The following THSD4 variants were observed in gnomAD, a reference collection of about 807,000 sequenced individuals.
THSD4 encodes thrombospondin type-1 domain-containing protein 4.
In THSD4, 69 loss-of-function variants were observed where a neutral mutation model predicts 119.0. The ratio of observed to expected loss-of-function variants is 0.58; its 90% CI spans 0.48 to 0.71. The LOEUF (loss-of-function observed/expected upper bound fraction) is 0.71. Among genes scored for constraint, THSD4 ranks in the 30% least tolerant of loss-of-function variants. The probability of loss-of-function intolerance (pLI) is 0.00; values close to 1 mark genes in which losing one functional copy is unlikely to be tolerated. For synonymous variants in THSD4, 524 were observed against 540.4 expected (o/e 0.97, Z 0.42); for missense variants, 1,393 against 1,391.1 (o/e 1.00, Z -0.02).
chr15:71,411,863 G>C, intron 7 of THSD4, 40 bp downstream of exon 7: 1 of 1,610,262 alleles, frequency 6.2e-7, no homozygotes, highest in Non-Finnish European at 8.5e-7. Context: ...TAAGGTGTTT[G>C]ATCTGTGACT....
chr15:71,479,454 T>C (rs1169740861), intron 7 of THSD4, among the ~76,000 whole-genome samples: 1 of 152,116 alleles, frequency 6.6e-6, no homozygotes, highest in African/African-American at 2.4e-5. Flanking sequence ...ATTTGGGGTT[T>C]TATGGAAGGA....
At chr15:71,557,038 G>A (rs2049029786) in intron 7 of THSD4, among the ~76,000 whole-genome samples, 1 of 152,048 alleles carries the variant, frequency 6.6e-6, no homozygotes, top group South Asian at 2.1e-4. Context: ...ATGTTGAATG[G>A]GGGCAGTATT....
chr15:71,199,467 GT>G (rs1442784329), intron 3 of THSD4, among the ~76,000 whole-genome samples: 25 of 145,176 alleles, frequency 1.7e-4, no homozygotes, highest in African/African-American at 6.6e-4. Flanking sequence ...GGGGGTGTGT[GT>G]GTGTGGTGTG....
rs914670370 is a variant in THSD4, at chr15:71,161,762, G to A, written c.99+6830G>A. Among the ~76,000 whole-genome samples the A allele has an allele frequency of 1.1e-4, 16 of 151,750 alleles. 1 individual carries two copies. The highest frequency in any genetic ancestry group is 5.8e-4 in the East Asian group (3 of 5,164). ...TTACATTCAAGGTTGTTATTGATAG[G>A]TAAGGTTTTCTGTCATTTTGTTGTT... On this transcript the variant is annotated intron_variant, in intron 3 of 17. Transcript: ENST00000261862.
intron 4 of THSD4, among the ~76,000 whole-genome samples, chr15:71,229,194 T>C (rs1032251294): frequency 3.9e-5 from 6 of 152,252 alleles, no homozygotes; most frequent in Non-Finnish European, 8.8e-5. Context: ...GGTTCTTCAA[T>C]GTCTTTTAGA....
chr15:71,637,807 C>T (rs547710118), intron 7 of THSD4, among the ~76,000 whole-genome samples: 1 of 151,830 alleles, frequency 6.6e-6, no homozygotes, highest in East Asian at 1.9e-4. Context: ...CTCAGTGCAA[C>T]CTCTGCCTCC....
intron 7 of THSD4, among the ~76,000 whole-genome samples, chr15:71,634,596 A>G (rs1014085090): frequency 7.2e-5 from 11 of 152,330 alleles, no homozygotes; most frequent in African/African-American, 2.4e-4. Flanking sequence ...TCAGTCACGC[A>G]GGGAATTTGA....
chr15:71,423,383 G>GC (rs2046832509), intron 7 of THSD4, among the ~76,000 whole-genome samples: 1 of 152,084 alleles, frequency 6.6e-6, no homozygotes, highest in African/African-American at 2.4e-5. Context: ...ATTATTCAGG[G>GC]CCCAAAGGCT....
chr15:71,165,568 C>T (rs1370345356), intron 3 of THSD4, among the ~76,000 whole-genome samples: 1 of 152,028 alleles, frequency 6.6e-6, no homozygotes, highest in African/African-American at 2.4e-5. Flanking sequence ...GAGCCTTTTT[C>T]CTGTAAATGG....
At chr15:71,365,054 A>G (rs1267004393) in intron 6 of THSD4, among the ~76,000 whole-genome samples, 1 of 151,936 alleles carries the variant, frequency 6.6e-6, no homozygotes, top group Non-Finnish European at 1.5e-5. Flanking sequence ...TCCAGAGATG[A>G]TACAAAAATC....
intron 6 of THSD4, chr15:71,348,080 G>T (rs1043344326): frequency 3.3e-5 from 5 of 152,174 alleles, no homozygotes; most frequent in African/African-American, 1.2e-4. Flanking sequence ...TCTTGGACAT[G>T]TAGTTGCGAT....
chr15:71,190,376 A>G (rs930219186), intron 3 of THSD4, among the ~76,000 whole-genome samples: 1 of 152,208 alleles, frequency 6.6e-6, no homozygotes, highest in Non-Finnish European at 1.5e-5. Flanking sequence ...AGGAAATTCA[A>G]AACAAAAAGA....
chr15:71,317,429 T>A (rs1216224358), intron 6 of THSD4, among the ~76,000 whole-genome samples: 1 of 152,182 alleles, frequency 6.6e-6, no homozygotes, highest in Admixed American at 6.5e-5. Context: ...CAGAGGCATG[T>A]CTTACATGGT....
At chr15:71,427,905 G>A (rs1455989712) in intron 7 of THSD4, among the ~76,000 whole-genome samples, 1 of 152,086 alleles carries the variant, frequency 6.6e-6, no homozygotes, top group Non-Finnish European at 1.5e-5. Flanking sequence ...AGGTAAAATT[G>A]GGGTGGGATG....
intron 15 of THSD4, among the ~76,000 whole-genome samples, chr15:71,763,174 A>G (rs947845271): frequency 2.6e-5 from 4 of 152,208 alleles, no homozygotes; most frequent in Non-Finnish European, 5.9e-5. Flanking sequence ...GGCCTCTGCT[A>G]TTTCATGCCC....
intron 7 of THSD4, among the ~76,000 whole-genome samples, chr15:71,473,781 G>A (rs2047617914): frequency 6.6e-6 from 1 of 152,204 alleles, no homozygotes; most frequent in African/African-American, 2.4e-5. Context: ...CCCCATGCAT[G>A]CTGTGCGATG....
At chr15:71,641,246 C>G (rs2050852687) in intron 7 of THSD4, among the ~76,000 whole-genome samples, 1 of 152,114 alleles carries the variant, frequency 6.6e-6, no homozygotes, top group Non-Finnish European at 1.5e-5. Context: ...TTCCCAATCA[C>G]TACGTGGGAT....
intron 6 of THSD4, among the ~76,000 whole-genome samples, chr15:71,293,074 G>A (rs2044814530): frequency 6.6e-6 from 1 of 152,194 alleles, no homozygotes; most frequent in Admixed American, 6.5e-5. Flanking sequence ...TTTCTTGTCA[G>A]GGGCTTTCCC....
intron 6 of THSD4, among the ~76,000 whole-genome samples, chr15:71,311,424 C>T (rs1515677): frequency 0.9 from 136,691 of 152,186 alleles, 62,806 homozygotes; most frequent in East Asian, 1. Context: ...GGAAGACATC[C>T]GACATTCTCT....
Sources: gnomAD v4.1 joint callset for allele counts (sites outside exome capture counted in the v4.1 genomes callset) on GRCh38, gnomAD v4.1.1 for gene constraint, MANE v1.5 for transcripts, NCBI Gene and HGNC (gene_info 2026-07-23, HGNC 2026-07-21) for gene names.